CRTAC1: variants seen among roughly 807,000 people sequenced by gnomAD.
CRTAC1 encodes the protein acidic secreted protein in cartilage.
Under a neutral mutation model 67.8 loss-of-function variants are expected in CRTAC1, and 37 were observed. That is an observed-to-expected ratio of 0.55 (90% CI 0.42 to 0.72). The LOEUF is 0.72. Among genes scored for constraint, CRTAC1 ranks in the 30% least tolerant of loss-of-function variants. The pLI, the probability that CRTAC1 is intolerant of heterozygous loss-of-function variation, is 0.00. For missense variants in CRTAC1, 780 were observed against 931.6 expected, an observed-to-expected ratio of 0.84 and a Z score of 2.12; for synonymous variants, 348 against 371.0, an observed-to-expected ratio of 0.94 and a Z score of 0.71.
chr10:97,918,838 C>G (rs2050796385), intron 4 of CRTAC1, among the ~76,000 whole-genome samples: 2 of 151,570 alleles, frequency 1.3e-5, no homozygotes, highest in Non-Finnish European at 2.9e-5. Flanking sequence ...GGCTGCAGTA[C>G]AGTGGTGTGA....
chr10:97,930,402 C>T (rs1354583796), intron 3 of CRTAC1, among the ~76,000 whole-genome samples: 3 of 152,136 alleles, frequency 2.0e-5, no homozygotes, highest in African/African-American at 4.8e-5. Context: ...GATCAGGAGA[C>T]CCCAGAATCC....
At chr10:98,001,397 G>A (rs969400107) in intron 2 of CRTAC1, among the ~76,000 whole-genome samples, 6 of 152,148 alleles carry the variant, frequency 3.9e-5, no homozygotes, top group South Asian at 2.1e-4. Flanking sequence ...AAGCAGGGAC[G>A]ACACTATTTA....
chr10:97,898,531 A>T (rs1441008572), intron 8 of CRTAC1, among the ~76,000 whole-genome samples: 1 of 152,256 alleles, frequency 6.6e-6, no homozygotes, highest in Non-Finnish European at 1.5e-5. Flanking sequence ...TGCTGCTTAG[A>T]TGTAAACAGG....
At chr10:98,015,998 A>T (rs1026336822) in intron 1 of CRTAC1, among the ~76,000 whole-genome samples, 1 of 152,236 alleles carries the variant, frequency 6.6e-6, no homozygotes, top group African/African-American at 2.4e-5. Context: ...AGGTTATGCA[A>T]TCTCCAGAGC....
At chr10:97,965,165 G>T (rs924080725) in intron 2 of CRTAC1, among the ~76,000 whole-genome samples, 1 of 152,236 alleles carries the variant, frequency 6.6e-6, no homozygotes, top group African/African-American at 2.4e-5. Context: ...TTGACCACAG[G>T]CTCGTGGAAG....
intron 14 of CRTAC1, chr10:97,878,781 G>A (rs769743154): frequency 3.5e-6 from 4 of 1,134,602 alleles, no homozygotes; most frequent in Non-Finnish European, 4.6e-6. Flanking sequence ...GGATATACCA[G>A]CCCAACTCTC....
chr10:97,958,920 C>T (rs529243921), intron 2 of CRTAC1, among the ~76,000 whole-genome samples: 3 of 152,118 alleles, frequency 2.0e-5, no homozygotes, highest in Admixed American at 6.5e-5. Context: ...GCCATCTGCT[C>T]GGTGGTTTAT....
chr10:97,994,344 C>T lies in CRTAC1; in HGVS notation c.224+16794G>A, dbSNP rs1275287753. On this transcript the variant is annotated intron_variant, in intron 2 of 14. Coordinates refer to ENST00000370597, the MANE Select transcript of CRTAC1 (RefSeq NM_018058.7). ...TCTCCTTTGGGGCTAGGGATGGTTA[C>T]GCTCTGGTTTGCAACACAGCACCAG... 1.1e-4 allele frequency among the ~76,000 whole-genome samples: 16 copies of T among 152,154 alleles called. 1 individual carries two copies. The highest frequency in any genetic ancestry group is 2.2e-4 in the Non-Finnish European group (15 of 68,036).
intron 1 of CRTAC1, among the ~76,000 whole-genome samples, chr10:98,020,166 G>A (rs1843087646): frequency 6.6e-6 from 1 of 151,978 alleles, no homozygotes; most frequent in Non-Finnish European, 1.5e-5. Flanking sequence ...ACTTCCACAC[G>A]CTGTCAGAGC....
At chr10:98,020,876 T>C (rs1590299969) in intron 1 of CRTAC1, among the ~76,000 whole-genome samples, 1 of 151,332 alleles carries the variant, frequency 6.6e-6, no homozygotes, top group South Asian at 2.1e-4. Flanking sequence ...ATGGCTGGAG[T>C]GGTGTGTTAG....
At chr10:97,955,026 T>C (rs1437796999) in intron 2 of CRTAC1, among the ~76,000 whole-genome samples, 1 of 152,164 alleles carries the variant, frequency 6.6e-6, no homozygotes, top group Non-Finnish European at 1.5e-5. Flanking sequence ...TGACACTTAT[T>C]TTCCCATAAA....
chr10:97,930,109 G>A (rs781180538), intron 3 of CRTAC1, among the ~76,000 whole-genome samples: 3 of 152,224 alleles, frequency 2.0e-5, no homozygotes, highest in Admixed American at 6.5e-5. Context: ...CAGGAAGGCA[G>A]AGTCTTCATT....
intron 13 of CRTAC1, 100 bp downstream of exon 13, chr10:97,882,686 G>A: frequency 7.8e-7 from 1 of 1,277,424 alleles, no homozygotes; most frequent in Non-Finnish European, 1.1e-6. Context: ...CCTCCTTTCT[G>A]CCCCTTGCTT....
chr10:98,020,018 A>G (rs1843083973), intron 1 of CRTAC1, among the ~76,000 whole-genome samples: 1 of 152,196 alleles, frequency 6.6e-6, no homozygotes, highest in Non-Finnish European at 1.5e-5. Flanking sequence ...TGGATCCCTG[A>G]GTCAATTCTG....
In CRTAC1 at chr10:98,007,576, G is replaced by A. The variant is rs559427253; in HGVS notation, c.224+3562C>T. Reference sequence around the variant, plus strand: ...GTAACTCTTATTCTTTGCTGGGGGTGAGCAATAAATATCATCTTTCAGAAT... The same window carrying A: ...GTAACTCTTATTCTTTGCTGGGGGTAAGCAATAAATATCATCTTTCAGAAT... On this transcript the variant is annotated intron_variant, in intron 2 of 14. Coordinates refer to ENST00000370597, the MANE Select transcript of CRTAC1 (RefSeq NM_018058.7). Among the ~76,000 whole-genome samples, 83 of 152,286 alleles carry A rather than the reference G, an allele frequency of 5.5e-4. No individual in the cohort carries two copies. In the South Asian group the frequency reaches 0.015, roughly 28 times the overall value.
chr10:97,974,879 C>T (rs998014096), intron 2 of CRTAC1, among the ~76,000 whole-genome samples: 1 of 152,254 alleles, frequency 6.6e-6, no homozygotes, highest in African/African-American at 2.4e-5. Flanking sequence ...TGGTGCATCT[C>T]GCTGCATTGG....
In CRTAC1 at chr10:97,936,319, C is replaced by T. The variant is rs147359019; in HGVS notation, c.272G>A (p.Arg91Gln). 4.0e-5 allele frequency: 64 copies of T among 1,613,314 alleles called. 1 individual carries two copies. In the East Asian group the frequency reaches 5.1e-4, roughly 13 times the overall value. The change falls in exon 3 of 15, where the codon CGG (arginine) becomes CAG (glutamine). Residue 91 changes from arginine to glutamine, a missense_variant. By Grantham distance (43) the Arg-to-Gln change is conservative. Coordinates refer to ENST00000370597, the MANE Select transcript of CRTAC1 (RefSeq NM_018058.7). ...LVLKYDRAQK[R>Q]LVNIAVDERS... Reference sequence around the variant, plus strand: ...CTCATCGACCGCGATGTTCACCAGCCGCTTCTGGGCCCGGTCATACTTCAG... The same window carrying T: ...CTCATCGACCGCGATGTTCACCAGCTGCTTCTGGGCCCGGTCATACTTCAG...
intron 11 of CRTAC1, among the ~76,000 whole-genome samples, chr10:97,888,445 C>T (rs370989577): frequency 9.2e-5 from 14 of 152,138 alleles, no homozygotes; most frequent in African/African-American, 2.4e-4. Flanking sequence ...AAGTTCAGAG[C>T]GGGAAAGAGT....
intron 11 of CRTAC1, among the ~76,000 whole-genome samples, chr10:97,889,460 G>T (rs543360888): frequency 2.7e-5 from 4 of 150,010 alleles, no homozygotes; most frequent in East Asian, 2.0e-4. Flanking sequence ...TGGTGGGGGG[G>T]GGTCCACTGA....
Sources: gnomAD v4.1 joint callset for allele counts (sites outside exome capture counted in the v4.1 genomes callset) on GRCh38, gnomAD v4.1.1 for gene constraint, MANE v1.5 for transcripts, NCBI Gene and HGNC (gene_info 2026-07-23, HGNC 2026-07-21) for gene names.